The following PDE1C variants were observed in gnomAD, a reference collection of about 807,000 sequenced individuals.
The protein encoded by PDE1C is phosphodiesterase 1C.
In PDE1C, 62 loss-of-function variants were observed where a neutral mutation model predicts 93.1. The ratio of observed to expected loss-of-function variants is 0.67; its 90% CI spans 0.54 to 0.82. The LOEUF is 0.82. Among genes scored for constraint, PDE1C ranks in the 40% least tolerant of loss-of-function variants. The pLI, the probability that PDE1C is intolerant of heterozygous loss-of-function variation, is 0.00. For synonymous variants in PDE1C, 325 were observed against 310.1 expected (o/e 1.05, Z -0.50); for missense variants, 742 against 884.6 (o/e 0.84, Z 2.04).
chr7:32,045,317 G>T (rs1001755511), intron 2 of PDE1C, among the ~76,000 whole-genome samples: 29 of 152,000 alleles, frequency 1.9e-4, no homozygotes, highest in Admixed American at 1.7e-3. Flanking sequence ...TGTGACTGGG[G>T]CTCTAACCAG....
At chr7:31,629,755 C>T in the PDE1C span, among the ~76,000 whole-genome samples, 10 of 152,166 alleles carry the variant, frequency 6.6e-5, no homozygotes, top group East Asian at 1.5e-3. Context: ...TTGCAACTCA[C>T]GAATTGTGTG....
intron 2 of PDE1C, among the ~76,000 whole-genome samples, chr7:32,183,785 G>C (rs1360816174): frequency 6.6e-6 from 1 of 152,102 alleles, no homozygotes; most frequent in African/African-American, 2.4e-5. Context: ...GGCAACAAAA[G>C]ACAAAATTGA....
intron 2 of PDE1C, among the ~76,000 whole-genome samples, chr7:31,885,366 A>AT (rs1257267820): frequency 6.6e-6 from 1 of 152,250 alleles, no homozygotes; most frequent in Non-Finnish European, 1.5e-5. Flanking sequence ...GGAAGTGCTT[A>AT]TGCCTTCCAA....
the PDE1C span, among the ~76,000 whole-genome samples, chr7:31,705,406 C>T: frequency 6.6e-6 from 1 of 152,162 alleles, no homozygotes; most frequent in Non-Finnish European, 1.5e-5. Flanking sequence ...GTTCTCCTGC[C>T]ATGCTAGCCT....
chr7:32,308,190 G>A (rs1353811701), intron 1 of PDE1C, among the ~76,000 whole-genome samples: 7 of 152,234 alleles, frequency 4.6e-5, no homozygotes, highest in Non-Finnish European at 8.8e-5. Context: ...GGGGAGGGGC[G>A]CCTGCCATTG....
At chr7:32,307,241 G>C (rs1332416171) in intron 1 of PDE1C, among the ~76,000 whole-genome samples, 1 of 151,944 alleles carries the variant, frequency 6.6e-6, no homozygotes, top group Non-Finnish European at 1.5e-5. Context: ...GTGGAGTTTT[G>C]GCCTATGGAG....
intron 5 of PDE1C, 49 bp from the exon 6 acceptor site, chr7:31,873,457 C>G (rs1328009801): frequency 9.1e-7 from 1 of 1,103,972 alleles, no homozygotes; most frequent in Non-Finnish European, 1.4e-6. Context: ...CAGACACTTA[C>G]ACACCTACCA....
intron 2 of PDE1C, among the ~76,000 whole-genome samples, chr7:32,003,387 A>T (rs545782115): frequency 3.6e-4 from 55 of 152,364 alleles, no homozygotes; most frequent in African/African-American, 1.3e-3. Context: ...AGAGTGCATT[A>T]ATCACAAACC....
At chr7:31,637,381 C>T in the PDE1C span, among the ~76,000 whole-genome samples, 8 of 152,248 alleles carry the variant, frequency 5.3e-5, no homozygotes, top group South Asian at 2.1e-4. Flanking sequence ...TATTTCTCCA[C>T]ATCCTCTCCA....
chr7:31,795,764 C>T (rs915858730), intron 16 of PDE1C, among the ~76,000 whole-genome samples: 1 of 151,594 alleles, frequency 6.6e-6, no homozygotes, highest in Non-Finnish European at 1.5e-5. Context: ...ACCCATCAAT[C>T]TCATATAATA....
the PDE1C span, among the ~76,000 whole-genome samples, chr7:31,727,745 T>G: frequency 6.8e-4 from 104 of 152,206 alleles, no homozygotes; most frequent in African/African-American, 2.4e-3. Context: ...TATAAATCAA[T>G]AAATTAAGAG....
chr7:31,669,234 A>AT, the PDE1C span, among the ~76,000 whole-genome samples: 6 of 151,674 alleles, frequency 4.0e-5, no homozygotes, highest in African/African-American at 1.2e-4. Context: ...AATGCTGTAG[A>AT]TTTTTTTTCT....
intron 2 of PDE1C, among the ~76,000 whole-genome samples, chr7:31,981,187 T>C (rs772033344): frequency 2.6e-4 from 40 of 152,196 alleles, no homozygotes; most frequent in Non-Finnish European, 1.2e-4. Context: ...TCAATCTTAT[T>C]ATAATAAGCT....
chr7:32,192,958 T>C (rs559958102), intron 2 of PDE1C, among the ~76,000 whole-genome samples: 3 of 152,276 alleles, frequency 2.0e-5, no homozygotes, highest in Admixed American at 2.0e-4. Context: ...AATATGATTT[T>C]ATTTTTATAC....
intron 1 of PDE1C, among the ~76,000 whole-genome samples, chr7:32,349,519 G>A (rs1249385080): frequency 1.3e-5 from 2 of 152,226 alleles, no homozygotes. Context: ...ACTCTCTGGA[G>A]AGGTGTTTTC....
intron 2 of PDE1C, among the ~76,000 whole-genome samples, chr7:32,204,638 C>T (rs1362397662): frequency 6.6e-6 from 1 of 152,242 alleles, no homozygotes; most frequent in Non-Finnish European, 1.5e-5. Context: ...CACGTCTGAA[C>T]ACTACATGTG....
chr7:32,266,851 GGATTAAATGTGCAAA>G, intron 1 of PDE1C, among the ~76,000 whole-genome samples: 1 of 140,778 alleles, frequency 7.1e-6, no homozygotes, highest in South Asian at 2.5e-4. Context: ...TGCCAAGATG[GGATTAAATGTGCAAA>G]GATTTCAGAG....
At chr7:32,072,625 A>ACTTGTTT (rs561941733), upstream of PDE1C, among the ~76,000 whole-genome samples, 1,674 of 152,344 alleles carry the variant, frequency 0.011, 35 homozygotes, top group African/African-American at 0.038. Context: ...TGATAATAAC[A>ACTTGTTT]GCAAACAAGT....
chr7:31,887,097 T>C lies in PDE1C; in HGVS notation c.129-6237A>G, dbSNP rs145256851. 9.9e-3 allele frequency among the ~76,000 whole-genome samples: 1,507 copies of C among 152,266 alleles called. 14 individuals are homozygous for C. Among genetic ancestry groups the C allele is most frequent in the Non-Finnish European group, 0.017 (1,188 of 68,002 alleles). ...ATAGTGAGTGAGATGGAAAATTCTA[T>C]GTTTCCATTGTAATCAGGCTGGTCT... On this transcript the variant is annotated intron_variant, in intron 2 of 17. Transcript: ENST00000396191.
Sources: allele counts gnomAD v4.1 joint callset (sites outside exome capture counted in the v4.1 genomes callset), GRCh38; gene constraint gnomAD v4.1.1; transcripts MANE v1.5; gene names NCBI Gene and HGNC (gene_info 2026-07-23, HGNC 2026-07-21).